Variants in LRRFIP1 observed in about 807,000 individuals in gnomAD.
LRRFIP1 encodes the protein LRR binding FLII interacting protein 1, also known as leucine-rich repeat flightless-interacting protein 1.
Under a neutral mutation model 104.4 loss-of-function variants are expected in LRRFIP1, and 62 were observed. The ratio of observed to expected loss-of-function variants is 0.59; its 90% confidence interval spans 0.48 to 0.73. The LOEUF is 0.73. LRRFIP1 is among the 30% of genes least tolerant of loss of function. The pLI is 0.00. For synonymous variants in LRRFIP1, 300 were observed against 299.0 expected, an observed-to-expected ratio of 1.00 and a Z score of -0.03; for missense variants, 796 against 824.5, an observed-to-expected ratio of 0.97 and a Z score of 0.42.
chr2:237,682,728 T>C (rs866148185), intron 1 of LRRFIP1, among the ~76,000 whole-genome samples: 1 of 152,258 alleles, frequency 6.6e-6, no homozygotes, highest in Non-Finnish European at 1.5e-5. Context: ...TCAATGCTCC[T>C]GGCGCTGACT....
chr2:237,649,564 T>A lies in LRRFIP1; in HGVS notation c.96+21824T>A, dbSNP rs886256452. ...AGAACACTGTGGTGTGAGAGGCAAT[T>A]GTGGGTCAGCCTGAGGGCACACCCA... On this transcript the variant is annotated intron_variant, in intron 1 of 23. Coordinates refer to ENST00000308482, the MANE Select transcript of LRRFIP1 (RefSeq NM_001137550.2). This position sits in a 1 kb window ranked among gnomAD's most constrained non-coding sequence, Gnocchi z 4.1. Among the ~76,000 whole-genome samples the A allele has an allele frequency of 6.6e-6, 1 of 151,944 alleles. No homozygotes were observed. Among genetic ancestry groups the A allele is most frequent in the African/African-American group, 2.4e-5 (1 of 41,432 alleles).
At position 237,779,503 on chromosome 2, in the gene LRRFIP1, A is replaced by G. The variant is rs764847962; in HGVS notation, c.1894A>G (p.Asn632Asp). 6.8e-6 allele frequency: 11 copies of G among 1,613,516 alleles called. No homozygotes were observed. The highest frequency in any genetic ancestry group is 9.3e-6 in the Non-Finnish European group (11 of 1,179,630). ...LVKRLEKMKA[N>D]RSALLSQQ ...GAAGCGTCTGGAAAAAATGAAAGCA[A>G]ATCGGAGTGCACTCTTGTCCCAGCA... Residue 632 changes from asparagine (N) to aspartate (D), a missense_variant, in exon 24 of 24, where the codon AAT (asparagine) becomes GAT (aspartate). Coordinates refer to ENST00000308482, the MANE Select transcript of LRRFIP1 (RefSeq NM_001137550.2).
intron 13 of LRRFIP1, among the ~76,000 whole-genome samples, chr2:237,750,966 A>G (rs939469228): frequency 2.0e-5 from 3 of 152,200 alleles, no homozygotes; most frequent in African/African-American, 7.2e-5. Flanking sequence ...TAAACTGTGT[A>G]AAATCATATG....
chr2:237,632,413 C>T (rs1199327490), intron 1 of LRRFIP1, among the ~76,000 whole-genome samples: 1 of 152,246 alleles, frequency 6.6e-6, no homozygotes, highest in Non-Finnish European at 1.5e-5. Flanking sequence ...CTCCCCAGCC[C>T]TTCCCTGACT....
Position 237,729,873 on chromosome 2 carries a change from C to G in LRRFIP1, c.444+1938C>G, listed in dbSNP as rs1024675225. The G allele has an allele frequency of 6.3e-6, 6 of 956,488 alleles. No individual in the cohort carries two copies. The African/African-American group carries it at 1.1e-4, about 17-fold the overall frequency. The allele number at this position is 956,488 out of a possible 1,614,324, so 59.3% of individuals were successfully genotyped here. ...TTTCCATTTAAATCTTTCACATTCT[C>G]TTCAGAAACCGCAGATTTTGTAGCA... On this transcript the variant is annotated intron_variant, in intron 8 of 23. Coordinates refer to ENST00000308482, the MANE Select transcript of LRRFIP1 (RefSeq NM_001137550.2).
At chr2:237,667,796 T>C (rs2089681306) in intron 1 of LRRFIP1, among the ~76,000 whole-genome samples, 1 of 151,544 alleles carries the variant, frequency 6.6e-6, no homozygotes, top group African/African-American at 2.4e-5. Context: ...GGCAGTTGTG[T>C]TCCCGGCACA....
intron 1 of LRRFIP1, among the ~76,000 whole-genome samples, chr2:237,629,045 C>A (rs1389535424): frequency 6.6e-6 from 1 of 152,206 alleles, no homozygotes; most frequent in Admixed American, 6.5e-5. Flanking sequence ...CCATGGCATG[C>A]CCGCGCCTGG....
intron 3 of LRRFIP1, among the ~76,000 whole-genome samples, chr2:237,716,243 A>C: frequency 6.6e-6 from 1 of 152,248 alleles, no homozygotes; most frequent in East Asian, 1.9e-4. Flanking sequence ...AATTGAATGC[A>C]AAATAGCTTT....
chr2:237,677,466 C>A (rs1394758607), intron 1 of LRRFIP1, among the ~76,000 whole-genome samples: 1 of 152,168 alleles, frequency 6.6e-6, no homozygotes, highest in East Asian at 1.9e-4. Flanking sequence ...CTTCTACCTA[C>A]AAAAGACCAA....
At chr2:237,760,290 C>A (rs757654415) in intron 19 of LRRFIP1, 85 bp downstream of exon 19, 2 of 1,437,946 alleles carry the variant, frequency 1.4e-6, no homozygotes, top group Non-Finnish European at 1.9e-6. Context: ...TTGGAGCCAC[C>A]GTCGCTGATG....
chr2:237,699,406 G>A (rs1012858035), intron 1 of LRRFIP1, among the ~76,000 whole-genome samples: 2 of 149,192 alleles, frequency 1.3e-5, no homozygotes, highest in African/African-American at 5.0e-5. Context: ...AGGCTGGAGT[G>A]CAATGGTGAG....
chr2:237,672,032 T>C (rs1459780484), intron 1 of LRRFIP1, among the ~76,000 whole-genome samples: 1 of 152,042 alleles, frequency 6.6e-6, no homozygotes, highest in East Asian at 1.9e-4. Flanking sequence ...TATGACTTGA[T>C]ACAGTATCAT....
At chr2:237,631,535 G>A (rs962005924) in intron 1 of LRRFIP1, among the ~76,000 whole-genome samples, 1 of 152,226 alleles carries the variant, frequency 6.6e-6, no homozygotes, top group African/African-American at 2.4e-5. Context: ...ATGTTATCAG[G>A]AGAAAGGTTT....
intron 1 of LRRFIP1, among the ~76,000 whole-genome samples, chr2:237,641,555 C>G (rs570030659): frequency 3.8e-4 from 58 of 150,676 alleles, no homozygotes; most frequent in African/African-American, 1.3e-3. Context: ...AATCTTTTCT[C>G]CTTGGATTTC....
At chr2:237,700,867 G>T (rs115910825) in intron 1 of LRRFIP1, among the ~76,000 whole-genome samples, 2,304 of 152,306 alleles carry the variant, frequency 0.015, 52 homozygotes, top group African/African-American at 0.051. Flanking sequence ...GGCCTTCTCA[G>T]CCTGGGTGGA....
intron 1 of LRRFIP1, among the ~76,000 whole-genome samples, chr2:237,668,201 T>C (rs1322688311): frequency 3.3e-5 from 5 of 151,962 alleles, no homozygotes; most frequent in African/African-American, 9.7e-5. Flanking sequence ...TCCCCTCACA[T>C]AGTGACCTCG....
chr2:237,651,848 C>A (rs557637040), intron 1 of LRRFIP1, among the ~76,000 whole-genome samples: 1 of 152,240 alleles, frequency 6.6e-6, no homozygotes, highest in Non-Finnish European at 1.5e-5. Flanking sequence ...ATGTTACACT[C>A]TTTTTATTGC....
intron 23 of LRRFIP1, among the ~76,000 whole-genome samples, chr2:237,777,215 C>T (rs2061167199): frequency 6.6e-6 from 1 of 152,032 alleles, no homozygotes; most frequent in Admixed American, 6.6e-5. Context: ...TTCATAAATC[C>T]CACTTATCAG....
At chr2:237,656,097 T>C (rs977473818) in intron 1 of LRRFIP1, among the ~76,000 whole-genome samples, 4 of 152,224 alleles carry the variant, frequency 2.6e-5, no homozygotes, top group African/African-American at 9.6e-5. Flanking sequence ...TGTCTCCTGA[T>C]AGGAATTACA....
Sources: gnomAD v4.1 joint callset for allele counts (sites outside exome capture counted in the v4.1 genomes callset) on GRCh38, gnomAD v4.1.1 for gene constraint, Gnocchi (gnomAD v3.1) non-coding constraint, MANE v1.5 for transcripts, NCBI Gene and HGNC (gene_info 2026-07-23, HGNC 2026-07-21) for gene names.